PRDM16: variants seen among roughly 807,000 people sequenced by gnomAD.
PRDM16 encodes PR/SET domain 16.
Under a neutral mutation model 110.6 loss-of-function variants are expected in PRDM16, and 23 were observed. The observed-to-expected ratio is 0.21, with a 90% CI of 0.15 to 0.29. PRDM16 has a LOEUF of 0.29. PRDM16 is among the 10% of genes least tolerant of loss of function. The pLI, the probability that PRDM16 is intolerant of heterozygous loss-of-function variation, is 1.00. For missense variants in PRDM16, 1,615 were observed against 1,794.3 expected (o/e 0.90, Z 1.81); for synonymous variants, 799 against 781.8 (o/e 1.02, Z -0.37).
intron 1 of PRDM16, among the ~76,000 whole-genome samples, chr1:3,086,210 G>A (rs112443386): frequency 4.6e-5 from 7 of 152,274 alleles, no homozygotes; most frequent in Admixed American, 1.3e-4. Context: ...TCGTGAGTGC[G>A]TGAGGCCTTA....
At chr1:3,124,424 C>T (rs1404866815) in intron 1 of PRDM16, among the ~76,000 whole-genome samples, 1 of 152,196 alleles carries the variant, frequency 6.6e-6, no homozygotes, top group Non-Finnish European at 1.5e-5. Context: ...GGAACCTCTG[C>T]TCCCGTGGCC....
intron 1 of PRDM16, among the ~76,000 whole-genome samples, chr1:3,084,842 G>A (rs1275150531): frequency 6.6e-6 from 1 of 152,204 alleles, no homozygotes; most frequent in Non-Finnish European, 1.5e-5. Flanking sequence ...GCAGGCCAGG[G>A]AAGTGATTCT....
rs538803389 is a variant in PRDM16, at chr1:3,265,292, G to A, written c.438+21155G>A. Among the ~76,000 whole-genome samples the A allele has an allele frequency of 2.0e-5, 3 of 152,204 alleles. No individual in the cohort carries two copies. The highest frequency in any genetic ancestry group is 6.5e-5 in the Admixed American group (1 of 15,292). On this transcript the variant is annotated intron_variant, in intron 3 of 16. Coordinates refer to ENST00000270722, the MANE Select transcript of PRDM16 (RefSeq NM_022114.4). This position sits in a 1 kb window ranked among gnomAD's most constrained non-coding sequence, Gnocchi z 4.5. ...AGAAGCCTCAGGGTGCAGGGGGAGCGGACAGGAATGCAGGTGTGGGTGGGA... is the reference window on the plus strand; with the variant it reads ...AGAAGCCTCAGGGTGCAGGGGGAGCAGACAGGAATGCAGGTGTGGGTGGGA...
At chr1:3,233,674 GGAGAGCCGACGTTAGATT>G (rs1246652521) in intron 2 of PRDM16, among the ~76,000 whole-genome samples, 1 of 152,192 alleles carries the variant, frequency 6.6e-6, no homozygotes, top group Non-Finnish European at 1.5e-5. Flanking sequence ...TACTAACACA[GGAGAGCCGACGTTAGATT>G]GTCCCATCAC....
chr1:3,245,166 A>G lies in PRDM16; in HGVS notation c.438+1029A>G, dbSNP rs1403502197. Among the ~76,000 whole-genome samples, 2 of 152,180 alleles carry G rather than the reference A, an allele frequency of 1.3e-5. No homozygotes were observed. On this transcript the variant is annotated intron_variant, in intron 3 of 16. Transcript: ENST00000270722. This position sits in a 1 kb window ranked among gnomAD's most constrained non-coding sequence, Gnocchi z 4.7. The stretch of plus-strand genomic sequence containing the variant: ...CTGTTACAATTCTGTCAGAATTACA[A>G]CTGGATTCCGTGACGCAGCATATGG...
At chr1:3,078,812 G>A (rs1233100571) in intron 1 of PRDM16, among the ~76,000 whole-genome samples, 6 of 152,200 alleles carry the variant, frequency 3.9e-5, no homozygotes, top group East Asian at 3.8e-4. Context: ...CCTGGCAGCC[G>A]GTATTACAGC....
chr1:3,410,054 TG>T lies in PRDM16; in HGVS notation c.1187-1328del, dbSNP rs1249729646. 3.3e-3 allele frequency among the ~76,000 whole-genome samples: 398 copies of T among 119,436 alleles called. 2 individuals are homozygous for T. The highest frequency in any genetic ancestry group is 0.013 in the Middle Eastern group (3 of 226). The allele number at this position is 119,436 out of a possible 152,430, so 78.4% of individuals were successfully genotyped here. A position where few individuals can be genotyped will look rare whatever the true frequency, so the allele number is the denominator to read the frequency against. ...GTGTGTGATTGTGTGTGTACGAATGTGGTGTGTGGTTGTGTATGTGCATGTG... is the reference window on the plus strand; with the variant it reads ...GTGTGTGATTGTGTGTGTACGAATGTGTGTGTGGTTGTGTATGTGCATGTG... On this transcript the variant is annotated intron_variant, in intron 8 of 16. Transcript: ENST00000270722.
intron 1 of PRDM16, among the ~76,000 whole-genome samples, chr1:3,162,218 C>T (rs551912762): frequency 3.9e-5 from 6 of 152,330 alleles, no homozygotes; most frequent in Non-Finnish European, 5.9e-5. Context: ...AGGATTTTCC[C>T]GTCACCCCCC....
intron 1 of PRDM16, among the ~76,000 whole-genome samples, chr1:3,128,657 C>G (rs1443284756): frequency 6.6e-6 from 1 of 151,998 alleles, no homozygotes; most frequent in Non-Finnish European, 1.5e-5. Context: ...CCTCTGTGGA[C>G]TGCCCTGTTC....
chr1:3,280,499 A>C (rs544204483), intron 3 of PRDM16, among the ~76,000 whole-genome samples: 10 of 152,300 alleles, frequency 6.6e-5, no homozygotes, highest in African/African-American at 2.4e-4. Context: ...CCAGAGTTTC[A>C]TGTGCGGAGG....
chr1:3,181,900 G>A (rs797001625), intron 1 of PRDM16, among the ~76,000 whole-genome samples: 3 of 89,610 alleles, frequency 3.3e-5, no homozygotes, highest in Non-Finnish European at 7.8e-5. Flanking sequence ...TCTTACACAC[G>A]GTCTTACACA....
intron 8 of PRDM16, among the ~76,000 whole-genome samples, chr1:3,409,294 C>G (rs1469436436): frequency 6.6e-6 from 1 of 151,842 alleles, no homozygotes; most frequent in African/African-American, 2.4e-5. Flanking sequence ...GAGTGCCTCC[C>G]CGAGGGCCAG....
rs551486368 is a variant in PRDM16 at position 3,279,418 on chromosome 1, G to C, written c.438+35281G>C. 4.0e-3 allele frequency among the ~76,000 whole-genome samples: 605 copies of C among 152,354 alleles called. 3 individuals are homozygous for C. Among genetic ancestry groups the C allele is most frequent in the African/African-American group, 0.014 (581 of 41,582 alleles). Reference sequence around the variant, plus strand: ...CTGAGCAGTGTCAGCCGCTCCGGGCGAGGGACCAAGTGGCCACACTGGCCG... The same window carrying C: ...CTGAGCAGTGTCAGCCGCTCCGGGCCAGGGACCAAGTGGCCACACTGGCCG... On this transcript the variant is annotated intron_variant, in intron 3 of 16. Coordinates refer to ENST00000270722, the MANE Select transcript of PRDM16 (RefSeq NM_022114.4).
chr1:3,310,545 G>A (rs1641426772), intron 3 of PRDM16, among the ~76,000 whole-genome samples: 1 of 152,110 alleles, frequency 6.6e-6, no homozygotes, highest in Admixed American at 6.5e-5. Context: ...GGGCTCCCCA[G>A]GGACACAGCA....
chr1:3,181,398 G>A (rs1334656691), intron 1 of PRDM16, among the ~76,000 whole-genome samples: 389 of 8,892 alleles, frequency 0.044, 108 homozygotes, highest in Non-Finnish European at 0.091. Context: ...CCTTACGCAT[G>A]GTCTTACACA....
intron 3 of PRDM16, among the ~76,000 whole-genome samples, chr1:3,296,512 C>CAA (rs1641093305): frequency 6.6e-6 from 1 of 152,224 alleles, no homozygotes. Context: ...TAACCCGGGG[C>CAA]CTCGTGTTGC....
chr1:3,069,384 C>G lies in PRDM16; in HGVS notation c.37+88C>G, dbSNP rs1314414095. ...CGGGCCAGGGGTGCGCGTCGGGGCG[C>G]GGCCGGCGCGCCTGCGGCTCCGGGC... On this transcript the variant is annotated intron_variant, in intron 1 of 16. Coordinates refer to ENST00000270722, the MANE Select transcript of PRDM16 (RefSeq NM_022114.4). The surrounding 1 kb of genome is among the most constrained non-coding windows in gnomAD (Gnocchi z 6.1). 1 of 362,234 alleles carries G rather than the reference C, an allele frequency of 2.8e-6. No individual in the cohort carries two copies. Among genetic ancestry groups the G allele is most frequent in the Admixed American group, 6.7e-5 (1 of 14,830 alleles). The allele number at this position is 362,234 out of a possible 1,614,324, so 22.4% of individuals were successfully genotyped here.
intron 3 of PRDM16, among the ~76,000 whole-genome samples, chr1:3,314,673 C>A (rs1484890155): frequency 1.3e-5 from 2 of 151,940 alleles, no homozygotes; most frequent in African/African-American, 4.8e-5. Flanking sequence ...TCGCCTTCGC[C>A]CCCGTAGCCA....
chr1:3,436,523 G>C lies in PRDM16; in HGVS notation c.*2712G>C, dbSNP rs578082382. The stretch of plus-strand genomic sequence containing the variant: ...CCCCAGCACTTGGCGTTTTCAGGAG[G>C]CCCTGTTCTTAGAGCCCCTGACAAA... On this transcript the variant is annotated 3_prime_UTR_variant, in exon 17 of 17. Coordinates refer to ENST00000270722, the MANE Select transcript of PRDM16 (RefSeq NM_022114.4). 10 of 231,530 alleles carry C rather than the reference G, an allele frequency of 4.3e-5. No homozygotes were observed. In the South Asian group the frequency reaches 1.6e-3, roughly 38 times the overall value. The allele number at this position is 231,530 out of a possible 1,614,324, so 14.3% of individuals were successfully genotyped here.
Sources: allele counts gnomAD v4.1 joint callset (sites outside exome capture counted in the v4.1 genomes callset), GRCh38; gene constraint gnomAD v4.1.1; non-coding constraint Gnocchi (gnomAD v3.1); transcripts MANE v1.5; gene names NCBI Gene and HGNC (gene_info 2026-07-23, HGNC 2026-07-21).